CREB5: variants seen among roughly 807,000 people sequenced by gnomAD.
CREB5 encodes cAMP responsive element binding protein 5.
In CREB5, 19 loss-of-function variants were observed where a neutral mutation model predicts 57.1. The ratio of observed to expected loss-of-function variants is 0.33; its 90% CI spans 0.23 to 0.49. CREB5 has a LOEUF of 0.49. CREB5 is among the 20% of genes least tolerant of loss of function. CREB5 has a pLI of 0.99. For missense variants in CREB5, 579 were observed against 671.6 expected, an observed-to-expected ratio of 0.86 and a Z score of 1.52; for synonymous variants, 238 against 238.3, an observed-to-expected ratio of 1.00 and a Z score of 0.01.
intron 1 of CREB5, among the ~76,000 whole-genome samples, chr7:28,335,538 C>T (rs1785807573): frequency 6.6e-6 from 1 of 151,848 alleles, no homozygotes; most frequent in African/African-American, 2.4e-5. Context: ...AAGTTTTGTA[C>T]ATTGATTTTG....
In CREB5 at chr7:28,551,843, T is replaced by TTC. The variant is rs1483823183; in HGVS notation, c.292-18521_292-18520insCT. On this transcript the variant is annotated intron_variant, in intron 4 of 10. Transcript: ENST00000357727. The stretch of plus-strand genomic sequence containing the variant: ...GATTTTTCTTTCTTTCTTTCTTTCT[T>TTC]TTTCTTTCTTTCTTTTCTTTCTTTC... Among the ~76,000 whole-genome samples, 970 of 146,874 alleles carry TTC rather than the reference T, an allele frequency of 6.6e-3. 15 individuals carry two copies. The highest frequency in any genetic ancestry group is 0.024 in the African/African-American group (931 of 38,278).
chr7:28,711,078 G>C (rs1001009550), intron 5 of CREB5, among the ~76,000 whole-genome samples: 2 of 152,210 alleles, frequency 1.3e-5, no homozygotes, highest in African/African-American at 4.8e-5. Context: ...GGTGGTCAGA[G>C]GCCAGATGGT....
At chr7:28,629,377 C>T (rs1011975908) in intron 5 of CREB5, among the ~76,000 whole-genome samples, 2 of 152,180 alleles carry the variant, frequency 1.3e-5, no homozygotes, top group Non-Finnish European at 2.9e-5. Flanking sequence ...GCCCAGCGTG[C>T]GGGTCAGCCA....
chr7:28,569,310 A>G (rs991760255), intron 4 of CREB5, among the ~76,000 whole-genome samples: 11 of 152,086 alleles, frequency 7.2e-5, no homozygotes, highest in Admixed American at 1.3e-4. Context: ...CATTACAGGC[A>G]TAAGCACTAC....
At chr7:28,570,876 G>C (rs1428618556) in intron 5 of CREB5, among the ~76,000 whole-genome samples, 1 of 152,046 alleles carries the variant, frequency 6.6e-6, no homozygotes, top group African/African-American at 2.4e-5. Flanking sequence ...ATGGTGGAGG[G>C]AAGTTCTACC....
chr7:28,581,908 G>C (rs1796137339), intron 5 of CREB5, among the ~76,000 whole-genome samples: 1 of 152,130 alleles, frequency 6.6e-6, no homozygotes, highest in South Asian at 2.1e-4. Flanking sequence ...GTAGTGCCAG[G>C]GTGGGGTGAG....
chr7:28,783,568 A>G (rs1161457199), intron 7 of CREB5, among the ~76,000 whole-genome samples: 2 of 152,230 alleles, frequency 1.3e-5, no homozygotes, highest in Admixed American at 1.3e-4. Context: ...AATTAAAAAA[A>G]ATAAAATTTC....
At chr7:28,377,952 A>AT in intron 1 of CREB5, among the ~76,000 whole-genome samples, 1 of 149,828 alleles carries the variant, frequency 6.7e-6, no homozygotes, top group South Asian at 2.1e-4. Flanking sequence ...AAAACAAAAA[A>AT]GAAAAAGAAA....
intron 4 of CREB5, among the ~76,000 whole-genome samples, chr7:28,545,274 C>G (rs571355406): frequency 1.3e-5 from 2 of 152,296 alleles, no homozygotes; most frequent in South Asian, 2.1e-4. Flanking sequence ...CTTTTCCTTT[C>G]TACTCTTTCC....
intron 5 of CREB5, among the ~76,000 whole-genome samples, chr7:28,581,095 C>T (rs1583660768): frequency 6.6e-6 from 1 of 152,156 alleles, no homozygotes; most frequent in African/African-American, 2.4e-5. Context: ...AGGTTCGAAA[C>T]AGTCTGAGAG....
intron 4 of CREB5, among the ~76,000 whole-genome samples, chr7:28,525,486 T>C (rs1467652452): frequency 1.3e-5 from 2 of 151,836 alleles, no homozygotes; most frequent in South Asian, 2.1e-4. Context: ...CTCACCAGCA[T>C]TTATTATTAT....
chr7:28,572,371 G>A (rs897953129), intron 5 of CREB5, among the ~76,000 whole-genome samples: 2 of 152,184 alleles, frequency 1.3e-5, no homozygotes, highest in African/African-American at 4.8e-5. Context: ...AAATGTTGCT[G>A]CTATCTAAAT....
At chr7:28,672,447 G>GAAA (rs371461368) in intron 5 of CREB5, among the ~76,000 whole-genome samples, 1 of 147,108 alleles carries the variant, frequency 6.8e-6, no homozygotes, top group African/African-American at 2.5e-5. Context: ...CAGAACTGCA[G>GAAA]AAAAAAAAAA....
At position 28,724,531 on chromosome 7, in the gene CREB5, TG is replaced by T. The variant is rs1389900265; in HGVS notation, c.702+201del. The T allele has an allele frequency of 2.9e-5, 16 of 557,578 alleles. No homozygotes were observed. The Admixed American group carries it at 4.4e-4, about 15-fold the overall frequency. The allele number at this position is 557,578 out of a possible 1,614,324, so 34.5% of individuals were successfully genotyped here. A position where few individuals can be genotyped will look rare whatever the true frequency, so the allele number is the denominator to read the frequency against. The stretch of plus-strand genomic sequence containing the variant: ...TGTCAGATAATCATGTAACAAGCAC[TG>T]GATTGGCAAGTGGTATTAATGAAAG... On this transcript the variant is annotated intron_variant, in intron 7 of 10. Transcript: ENST00000357727.
At position 28,534,067 on chromosome 7, in the gene CREB5, G is replaced by C. The variant is rs544497747; in HGVS notation, c.291+26330G>C. Among the ~76,000 whole-genome samples, 141 of 152,266 alleles carry C rather than the reference G, an allele frequency of 9.3e-4. No homozygotes were observed. In the Middle Eastern group the frequency reaches 0.01, roughly 11 times the overall value. ...TGAACACTATGATCCTGACAACACT[G>C]GGGGGAAGAGTCTCAGACCCACAGG... is the stretch of plus-strand genomic sequence containing the variant. On this transcript the variant is annotated intron_variant, in intron 4 of 10. Coordinates refer to ENST00000357727, the MANE Select transcript of CREB5 (RefSeq NM_182898.4).
intron 4 of CREB5, among the ~76,000 whole-genome samples, chr7:28,522,490 G>A (rs181935968): frequency 6.7e-6 from 1 of 149,948 alleles, no homozygotes. Context: ...CCGCCTCCCA[G>A]GTTCAAGCAA....
chr7:28,440,371 TTTG>T (rs1789137119), intron 1 of CREB5, among the ~76,000 whole-genome samples: 1 of 152,146 alleles, frequency 6.6e-6, no homozygotes, highest in South Asian at 2.1e-4. Flanking sequence ...TTGAGAATAA[TTTG>T]TTAATTACTA....
chr7:28,482,604 A>G (rs1321572586), intron 1 of CREB5, among the ~76,000 whole-genome samples: 1 of 152,234 alleles, frequency 6.6e-6, no homozygotes, highest in Non-Finnish European at 1.5e-5. Context: ...AGCTCAACAA[A>G]GCAGAAAGAT....
intron 5 of CREB5, among the ~76,000 whole-genome samples, chr7:28,706,002 T>A (rs570851481): frequency 1.3e-5 from 2 of 152,214 alleles, no homozygotes; most frequent in African/African-American, 4.8e-5. Context: ...TCCATTAAAA[T>A]GTAAACCTGG....
Sources: allele counts gnomAD v4.1 joint callset (sites outside exome capture counted in the v4.1 genomes callset), GRCh38; gene constraint gnomAD v4.1.1; transcripts MANE v1.5; gene names NCBI Gene and HGNC (gene_info 2026-07-23, HGNC 2026-07-21).